The following WDR41 variants were observed in gnomAD, a reference collection of about 807,000 sequenced individuals.
The protein encoded by WDR41 is WD repeat domain 41.
In WDR41, 63 loss-of-function variants were observed where a neutral mutation model predicts 69.3. The ratio of observed to expected loss-of-function variants is 0.91; its 90% confidence interval spans 0.74 to 1.12. The LOEUF is 1.12. Among genes scored for constraint, WDR41 ranks in the 50% most tolerant of loss-of-function variants. The pLI is 0.00. For synonymous variants in WDR41, 185 were observed against 192.1 expected (o/e 0.96, Z 0.31); for missense variants, 543 against 534.5 (o/e 1.02, Z -0.16).
At chr5:77,436,483 C>T in intron 11 of WDR41, 89 bp from the exon 12 acceptor site, 1 of 1,523,044 alleles carries the variant, frequency 6.6e-7, no homozygotes, top group Non-Finnish European at 8.9e-7. Flanking sequence ...TGAAGAGGTT[C>T]CAGACTTATT....
chr5:77,537,821 A>G (rs1268246973), intron 1 of WDR41, among the ~76,000 whole-genome samples: 1 of 152,240 alleles, frequency 6.6e-6, no homozygotes, highest in East Asian at 1.9e-4. Flanking sequence ...GGTAAGTGTA[A>G]GTGCTCAACA....
intron 1 of WDR41, among the ~76,000 whole-genome samples, chr5:77,562,493 G>A (rs1335554934): frequency 1.3e-5 from 2 of 152,192 alleles, no homozygotes; most frequent in African/African-American, 4.8e-5. Context: ...TGGTGGCAGG[G>A]AACTAACAAT....
chr5:77,620,107 C>A (rs559497327), intron 1 of WDR41, among the ~76,000 whole-genome samples: 75 of 152,152 alleles, frequency 4.9e-4, no homozygotes, highest in African/African-American at 1.8e-3. Flanking sequence ...AGAATATTTT[C>A]TTCACCCCTT....
intron 2 of WDR41, among the ~76,000 whole-genome samples, chr5:77,486,859 T>A (rs941752304): frequency 2.0e-5 from 3 of 150,676 alleles, no homozygotes; most frequent in African/African-American, 7.4e-5. Flanking sequence ...GGGGTTGTGT[T>A]AAGCCACTAA....
At chr5:77,546,327 A>C (rs1743198258) in intron 1 of WDR41, 1 of 257,498 alleles carries the variant, frequency 3.9e-6, no homozygotes, top group Non-Finnish European at 7.3e-6. Flanking sequence ...AAATCAAACA[A>C]AAAGCTGGTT....
chr5:77,508,858 G>A (rs1802153468), intron 1 of WDR41, among the ~76,000 whole-genome samples: 1 of 152,180 alleles, frequency 6.6e-6, no homozygotes, highest in Admixed American at 6.5e-5. Flanking sequence ...GCATGGGACA[G>A]TCACCCTGGA....
chr5:77,532,829 C>A (rs1342524345), intron 1 of WDR41, among the ~76,000 whole-genome samples: 1 of 151,838 alleles, frequency 6.6e-6, no homozygotes, highest in Non-Finnish European at 1.5e-5. Flanking sequence ...GAAATGATTA[C>A]CATAAAAATC....
chr5:77,584,567 A>G (rs1475848579), intron 1 of WDR41, among the ~76,000 whole-genome samples: 22 of 152,218 alleles, frequency 1.4e-4, no homozygotes, highest in Admixed American at 1.4e-3. Flanking sequence ...GAAACTGAAA[A>G]ATACAAATAC....
intron 2 of WDR41, among the ~76,000 whole-genome samples, chr5:77,469,431 T>C (rs1581731746): frequency 6.6e-6 from 1 of 152,218 alleles, no homozygotes; most frequent in African/African-American, 2.4e-5. Flanking sequence ...CTTTCCTCTG[T>C]TGTCATCTAA....
intron 1 of WDR41, among the ~76,000 whole-genome samples, chr5:77,603,893 G>T (rs1397828502): frequency 6.6e-6 from 1 of 152,110 alleles, no homozygotes; most frequent in Non-Finnish European, 1.5e-5. Flanking sequence ...TAAATATGTG[G>T]ATTTATTTCT....
rs10695519 is a variant in WDR41 at position 77,615,687 on chromosome 5, CAAAAAAAAAAA to C, written c.42+4781_42+4791del. ...CTCAGTTTTTAAAATTACTGCAAGT[CAAAAAAAAAAA>C]AAAAAAAAAGGCCAGGTGTGATGGC... On this transcript the variant is annotated intron_variant, in intron 1 of 5. Coordinates refer to the WDR41 transcript ENST00000509971. 3.8e-5 allele frequency among the ~76,000 whole-genome samples: 3 copies of C among 79,392 alleles called. No homozygotes were observed. The South Asian group carries it at 1.6e-3, about 43-fold the overall frequency. 52.1% of individuals were successfully genotyped at this position (79,392 alleles called of 152,430 possible).
intron 12 of WDR41, among the ~76,000 whole-genome samples, chr5:77,433,844 A>C (rs889093303): frequency 2.0e-5 from 3 of 152,244 alleles, no homozygotes; most frequent in Non-Finnish European, 4.4e-5. Flanking sequence ...ACAGAAATTC[A>C]GAAAAAGCTT....
chr5:77,540,582 T>G (rs1743070604), intron 1 of WDR41: 1 of 152,092 alleles, frequency 6.6e-6, no homozygotes, highest in African/African-American at 2.4e-5. Flanking sequence ...GCACATGCCT[T>G]TAGTCCCAGG....
rs760855899 is a variant in WDR41, at chr5:77,433,176, G to C, written c.1339C>G (p.Gln447Glu). 3.7e-6 allele frequency: 6 copies of C among 1,613,360 alleles called. No homozygotes were observed. Among genetic ancestry groups the C allele is most frequent in the Non-Finnish European group, 5.1e-6 (6 of 1,179,778 alleles). Residue 447 changes from glutamine (Q) to glutamate (E), a missense_variant, in exon 13 of 13, where the codon CAA becomes GAA. Coordinates refer to ENST00000296679, the MANE Select transcript of WDR41 (RefSeq NM_018268.4). ...ESGLRSLRLFQKLEENGDLYL... is the reference protein window; with the variant it reads ...ESGLRSLRLFEKLEENGDLYL... ...AAGTCACCATTCTCCTCTAATTTTT[G>C]AAATAATCTTAAACTGCGCAATCCA...
At chr5:77,437,458 G>A (rs187635592) in intron 10 of WDR41, 34 bp from the exon 11 acceptor site, 4 of 1,572,954 alleles carry the variant, frequency 2.5e-6, no homozygotes, top group African/African-American at 2.7e-5. Flanking sequence ...TACAAAAAGA[G>A]CGCACCACTG....
At chr5:77,519,846 A>C (rs1229836035) in intron 1 of WDR41, among the ~76,000 whole-genome samples, 1 of 151,596 alleles carries the variant, frequency 6.6e-6, no homozygotes, top group Non-Finnish European at 1.5e-5. Context: ...AAGCTCCAGA[A>C]GGTTAATTAA....
intron 4 of WDR41, among the ~76,000 whole-genome samples, chr5:77,460,200 T>C (rs1343530056): frequency 1.3e-5 from 2 of 152,210 alleles, no homozygotes; most frequent in East Asian, 3.8e-4. Context: ...AGTTTCTACT[T>C]AATGCACCTC....
At chr5:77,534,335 G>GT in intron 1 of WDR41, among the ~76,000 whole-genome samples, 1 of 152,046 alleles carries the variant, frequency 6.6e-6, no homozygotes, top group East Asian at 1.9e-4. Flanking sequence ...TATATGTGGG[G>GT]GGCGGCGGGG....
intron 1 of WDR41, among the ~76,000 whole-genome samples, chr5:77,596,111 C>T (rs904180285): frequency 1.1e-4 from 17 of 152,154 alleles, no homozygotes; most frequent in South Asian, 2.1e-4. Flanking sequence ...CTTAATTTTG[C>T]CTGTCTTTAC....
Sources: allele counts gnomAD v4.1 joint callset (sites outside exome capture counted in the v4.1 genomes callset), GRCh38; gene constraint gnomAD v4.1.1; transcripts MANE v1.5; gene names NCBI Gene and HGNC (gene_info 2026-07-23, HGNC 2026-07-21).